The following NRG1 variants were observed in gnomAD, a reference collection of about 807,000 sequenced individuals.
NRG1 encodes neuregulin 1.
Under a neutral mutation model 63.8 loss-of-function variants are expected in NRG1, and 18 were observed. The observed-to-expected ratio is 0.28, with a 90% confidence interval of 0.19 to 0.42. The LOEUF is 0.42. NRG1 is among the 10% of genes least tolerant of loss of function. NRG1 has a pLI of 1.00. For synonymous variants in NRG1, 302 were observed against 301.3 expected (o/e 1.00, Z -0.02); for missense variants, 762 against 814.7 (o/e 0.94, Z 0.79).
At chr8:32,675,672 T>G (rs572408617) in intron 5 of NRG1, among the ~76,000 whole-genome samples, 2 of 152,174 alleles carry the variant, frequency 1.3e-5, no homozygotes, top group African/African-American at 4.8e-5. Flanking sequence ...TGCTTGAGAT[T>G]GGGGAATAGA....
rs554353112 is a variant in NRG1, at chr8:32,065,251, G to A, written c.37+425820G>A. On this transcript the variant is annotated intron_variant, in intron 1 of 10. Transcript: ENST00000519301. ...AAGTTTTAGGGTACATGTGCACAACGTGCAGGTTTGTTACATATGTATACA... is the reference window on the plus strand; with the variant it reads ...AAGTTTTAGGGTACATGTGCACAACATGCAGGTTTGTTACATATGTATACA... 1.1e-4 allele frequency among the ~76,000 whole-genome samples: 16 copies of A among 151,568 alleles called. 1 individual carries two copies. Among genetic ancestry groups the A allele is most frequent in the Admixed American group, 9.2e-4 (14 of 15,196 alleles).
intron 1 of NRG1, among the ~76,000 whole-genome samples, chr8:32,168,870 C>G (rs1345333008): frequency 6.6e-6 from 1 of 152,136 alleles, no homozygotes; most frequent in Non-Finnish European, 1.5e-5. Flanking sequence ...TATTTGCTTA[C>G]TGTCTGTCTC....
Position 32,014,120 on chromosome 8 carries a change from T to C in NRG1, c.37+374689T>C, listed in dbSNP as rs552165714. Reference sequence around the variant, plus strand: ...CAATGGTAGCTTGATGGGGATAGCATTGAATCTATAAATTACTTTGGGCAG... The same window carrying C: ...CAATGGTAGCTTGATGGGGATAGCACTGAATCTATAAATTACTTTGGGCAG... On this transcript the variant is annotated intron_variant, in intron 1 of 10. Transcript: ENST00000519301. 3.3e-5 allele frequency among the ~76,000 whole-genome samples: 5 copies of C among 152,268 alleles called. No individual in the cohort carries two copies. In the South Asian group the frequency reaches 1.0e-3, roughly 32 times the overall value.
intron 1 of NRG1, among the ~76,000 whole-genome samples, chr8:31,802,676 G>A (rs1354016496): frequency 6.6e-6 from 1 of 152,072 alleles, no homozygotes; most frequent in Non-Finnish European, 1.5e-5. Context: ...CTCAATGCTT[G>A]TGTTGCATGC....
intron 1 of NRG1, among the ~76,000 whole-genome samples, chr8:31,727,695 A>G (rs1813587234): frequency 6.6e-6 from 1 of 152,120 alleles, no homozygotes; most frequent in African/African-American, 2.4e-5. Flanking sequence ...ATTATTCAAG[A>G]ATGCCCCAGT....
At chr8:32,435,965 A>G (rs1248705111) in intron 1 of NRG1, among the ~76,000 whole-genome samples, 1 of 152,154 alleles carries the variant, frequency 6.6e-6, no homozygotes, top group Non-Finnish European at 1.5e-5. Flanking sequence ...TTCATCTACC[A>G]TTTTCCATTC....
At position 32,601,806 on chromosome 8, in the gene NRG1, G is replaced by A. The variant is rs185856748; in HGVS notation, c.279-3756G>A. 2.8e-3 allele frequency among the ~76,000 whole-genome samples: 432 copies of A among 151,906 alleles called. 3 individuals carry two copies. The highest frequency in any genetic ancestry group is 9.8e-3 in the African/African-American group (406 of 41,456). On this transcript the variant is annotated intron_variant, in intron 2 of 11. Coordinates refer to ENST00000356819, the Ensembl canonical transcript of NRG1. The stretch of plus-strand genomic sequence containing the variant: ...AGATATGATCTAGCCGATGAGGAAT[G>A]TATTGGGGCTTTTATCCAAGTTGAT...
At chr8:31,777,756 G>A (rs575663577) in intron 1 of NRG1, among the ~76,000 whole-genome samples, 1 of 152,274 alleles carries the variant, frequency 6.6e-6, no homozygotes, top group South Asian at 2.1e-4. Flanking sequence ...AAACAGGAAG[G>A]AAGACAGAGC....
chr8:32,118,957 G>A (rs1833093542), intron 1 of NRG1, among the ~76,000 whole-genome samples: 1 of 151,992 alleles, frequency 6.6e-6, no homozygotes, highest in Non-Finnish European at 1.5e-5. Flanking sequence ...AAAATAAAGG[G>A]CAAACAGCTT....
chr8:32,553,867 T>G (rs1588258998), intron 1 of NRG1, among the ~76,000 whole-genome samples: 1 of 152,342 alleles, frequency 6.6e-6, no homozygotes, highest in East Asian at 1.9e-4. Context: ...TAGTTTTTTA[T>G]TTCCTCCTCA....
intron 5 of NRG1, among the ~76,000 whole-genome samples, chr8:32,645,159 A>T (rs934058927): frequency 6.6e-6 from 1 of 152,244 alleles, no homozygotes; most frequent in Non-Finnish European, 1.5e-5. Context: ...AATATTGATC[A>T]TTGAGATCTT....
At chr8:32,248,131 TAAC>T (rs1848765698) in intron 1 of NRG1, among the ~76,000 whole-genome samples, 1 of 152,118 alleles carries the variant, frequency 6.6e-6, no homozygotes, top group African/African-American at 2.4e-5. Flanking sequence ...ATTTTTTTCT[TAAC>T]AAAAACATGT....
intron 1 of NRG1, among the ~76,000 whole-genome samples, chr8:32,082,552 A>G (rs1284930186): frequency 6.6e-6 from 1 of 152,148 alleles, no homozygotes; most frequent in Non-Finnish European, 1.5e-5. Flanking sequence ...ATAAAGCACT[A>G]CCCTTGAGCA....
chr8:32,053,510 G>A (rs1822329006), intron 1 of NRG1, among the ~76,000 whole-genome samples: 4 of 152,098 alleles, frequency 2.6e-5, no homozygotes, highest in Admixed American at 2.6e-4. Context: ...CCAGGATGAG[G>A]GGGTCATGTT....
At chr8:31,642,467 T>C (rs1325364530) in intron 1 of NRG1, among the ~76,000 whole-genome samples, 1 of 152,218 alleles carries the variant, frequency 6.6e-6, no homozygotes, top group Non-Finnish European at 1.5e-5. Context: ...GAAATAAATG[T>C]AAGACTTGAG....
At chr8:31,773,069 G>T (rs1177709138) in intron 1 of NRG1, among the ~76,000 whole-genome samples, 1 of 152,206 alleles carries the variant, frequency 6.6e-6, no homozygotes, top group African/African-American at 2.4e-5. Flanking sequence ...CTCTAATGCA[G>T]AAAGGTTGGA....
intron 1 of NRG1, among the ~76,000 whole-genome samples, chr8:31,642,661 A>T (rs1018314259): frequency 1.3e-5 from 2 of 152,186 alleles, no homozygotes; most frequent in South Asian, 2.1e-4. Flanking sequence ...GGCACGTTTT[A>T]AAAAAATGGG....
intron 1 of NRG1, among the ~76,000 whole-genome samples, chr8:32,475,981 A>T (rs1055631346): frequency 6.6e-6 from 1 of 152,194 alleles, no homozygotes; most frequent in Non-Finnish European, 1.5e-5. Flanking sequence ...CTAAGAAATG[A>T]GATCAAATAT....
At chr8:31,712,166 C>T (rs765605908) in intron 1 of NRG1, among the ~76,000 whole-genome samples, 44 of 147,932 alleles carry the variant, frequency 3.0e-4, no homozygotes, top group Non-Finnish European at 5.5e-4. Flanking sequence ...TTTTTTTTAT[C>T]ATTTCTGTGA....
Sources: allele counts gnomAD v4.1 joint callset (sites outside exome capture counted in the v4.1 genomes callset), GRCh38; gene constraint gnomAD v4.1.1; transcripts MANE v1.5; gene names NCBI Gene and HGNC (gene_info 2026-07-23, HGNC 2026-07-21).